Variants in EPHX1 observed in about 807,000 individuals in gnomAD.
The protein encoded by EPHX1 is epoxide hydratase.
A neutral mutation model predicts 43.2 loss-of-function variants in EPHX1; 40 were observed. That is an observed-to-expected ratio of 0.93 (90% CI 0.72 to 1.21). The LOEUF is 1.21. EPHX1 is among the 50% of genes most tolerant of loss of function. The pLI, the probability that EPHX1 is intolerant of heterozygous loss-of-function variation, is 0.00. For missense variants in EPHX1, 550 were observed against 570.4 expected, an observed-to-expected ratio of 0.96 and a Z score of 0.36; for synonymous variants, 221 against 226.7, an observed-to-expected ratio of 0.98 and a Z score of 0.22.
chr1:225,824,137 C>T (rs1020540621), intron 1 of EPHX1, among the ~76,000 whole-genome samples: 8 of 152,102 alleles, frequency 5.3e-5, no homozygotes, highest in African/African-American at 1.4e-4. Flanking sequence ...ACTCTAAGAC[C>T]GCCCACCCCC....
chr1:225,819,226 CAA>C (rs1302566204), intron 1 of EPHX1, among the ~76,000 whole-genome samples: 2 of 4,496 alleles, frequency 4.4e-4, no homozygotes, highest in African/African-American at 1.6e-3. Context: ...GACTCCGTCT[CAA>C]AAAAAAAAAA....
At chr1:225,844,692 C>T in intron 8 of EPHX1, 69 bp downstream of exon 8, 1 of 1,599,178 alleles carries the variant, frequency 6.3e-7, no homozygotes. Context: ...GTCTTGGGCT[C>T]CACGAAGGGC....
At chr1:225,821,811 C>T (rs991096664) in intron 1 of EPHX1, among the ~76,000 whole-genome samples, 2 of 151,864 alleles carry the variant, frequency 1.3e-5, no homozygotes, top group Admixed American at 6.6e-5. Flanking sequence ...AATCTACCTG[C>T]GTTGGCCTCC....
chr1:225,839,793 G>T (rs1266700741), intron 5 of EPHX1, 36 bp from the exon 6 acceptor site: 2 of 1,606,038 alleles, frequency 1.2e-6, no homozygotes, highest in Non-Finnish European at 1.7e-6. Flanking sequence ...CTTGACACCA[G>T]CCCAGCCTCA....
intron 3 of EPHX1, among the ~76,000 whole-genome samples, chr1:225,834,539 T>C (rs549401977): frequency 2.1e-5 from 3 of 140,448 alleles, no homozygotes; most frequent in South Asian, 4.5e-4. Context: ...CAAATCCCAG[T>C]GGTGTGTGTC....
intron 1 of EPHX1, among the ~76,000 whole-genome samples, chr1:225,821,414 T>G (rs966578340): frequency 6.6e-6 from 1 of 151,572 alleles, no homozygotes; most frequent in Non-Finnish European, 1.5e-5. Context: ...CCCAGCTAAT[T>G]TTTGTGTTTT....
chr1:225,820,436 G>A (rs1239161771), intron 1 of EPHX1, among the ~76,000 whole-genome samples: 1 of 152,112 alleles, frequency 6.6e-6, no homozygotes, highest in Admixed American at 6.6e-5. Flanking sequence ...ATTTACAGAA[G>A]GGTAATCTGA....
At chr1:225,839,142 C>G in intron 4 of EPHX1, 75 bp from the exon 5 acceptor site, 1 of 1,608,268 alleles carries the variant, frequency 6.2e-7, no homozygotes, top group Non-Finnish European at 8.5e-7. Context: ...TGAGAAATTT[C>G]ATAGAACACC....
chr1:225,839,697 TG>T, intron 5 of EPHX1, 131 bp from the exon 6 acceptor site: 1 of 1,037,994 alleles, frequency 9.6e-7, no homozygotes. Context: ...GCCTCCCCAG[TG>T]GGGCCAGTGC....
intron 1 of EPHX1, among the ~76,000 whole-genome samples, chr1:225,826,608 T>C (rs910840162): frequency 2.0e-5 from 3 of 152,208 alleles, no homozygotes; most frequent in Admixed American, 6.5e-5. Flanking sequence ...CTTGAGGCAC[T>C]TTAGAGTTTC....
chr1:225,814,465 GC>G (rs1575974046), intron 1 of EPHX1, among the ~76,000 whole-genome samples: 1 of 152,240 alleles, frequency 6.6e-6, no homozygotes, highest in Admixed American at 6.5e-5. Context: ...ACAGCTCAGG[GC>G]TTCTCTAGCC....
At position 225,844,495 on chromosome 1, in the gene EPHX1, C is replaced by T; in HGVS notation, c.1041-3C>T. On this transcript the variant is annotated splice_region_variant and splice_polypyrimidine_tract_variant and intron_variant, in intron 7 of 8. Transcript: ENST00000272167. ...AGTGGGGCTTTGTGTTCTGCGTTCCCAGGAAGTTCTCCCTGGACGACCTGC... is the reference window on the plus strand; with the variant it reads ...AGTGGGGCTTTGTGTTCTGCGTTCCTAGGAAGTTCTCCCTGGACGACCTGC... The T allele has an allele frequency of 6.2e-7, 1 of 1,614,118 alleles. No individual in the cohort carries two copies. The highest frequency in any genetic ancestry group is 1.3e-5 in the African/African-American group (1 of 75,018).
chr1:225,844,397 C>T, intron 7 of EPHX1, 101 bp from the exon 8 acceptor site: 3 of 1,584,606 alleles, frequency 1.9e-6, no homozygotes. Context: ...AGGAGGGAAG[C>T]CGCATGGGCA....
At chr1:225,845,011 G>C in intron 8 of EPHX1, 135 bp from the exon 9 acceptor site, 2 of 992,998 alleles carry the variant, frequency 2.0e-6, no homozygotes, top group Non-Finnish European at 3.1e-6. Context: ...TGAGACCCTG[G>C]ATTTGTCCTT....
intron 1 of EPHX1, among the ~76,000 whole-genome samples, chr1:225,818,647 CTG>C (rs910002806): frequency 2.6e-5 from 4 of 152,278 alleles, no homozygotes; most frequent in African/African-American, 4.8e-5. Context: ...TTCAAGTAAA[CTG>C]TTTCTCCATA....
chr1:225,836,170 A>C (rs1667955026), intron 3 of EPHX1, among the ~76,000 whole-genome samples: 1 of 152,256 alleles, frequency 6.6e-6, no homozygotes, highest in Admixed American at 6.5e-5. Flanking sequence ...CTAAAGAGAC[A>C]TGACAGCTCA....
chr1:225,841,945 T>G (rs2671264), intron 6 of EPHX1, among the ~76,000 whole-genome samples: 5,721 of 150,722 alleles, frequency 0.038, 156 homozygotes, highest in East Asian at 0.12. Flanking sequence ...TTTTGGCTTA[T>G]GAGTATATCA....
At chr1:225,830,225 G>T (rs41357947) in intron 2 of EPHX1, among the ~76,000 whole-genome samples, 6 of 152,180 alleles carry the variant, frequency 3.9e-5, no homozygotes, top group Admixed American at 6.5e-5. Flanking sequence ...GGACTTGCTT[G>T]CTGCAGCCTT....
At chr1:225,816,917 G>A (rs913506454) in intron 1 of EPHX1, among the ~76,000 whole-genome samples, 1 of 152,168 alleles carries the variant, frequency 6.6e-6, no homozygotes, top group Non-Finnish European at 1.5e-5. Flanking sequence ...TGGAGGTGGA[G>A]GGAATTCCCT....
Sources: gnomAD v4.1 joint callset for allele counts (sites outside exome capture counted in the v4.1 genomes callset) on GRCh38, gnomAD v4.1.1 for gene constraint, MANE v1.5 for transcripts, NCBI Gene and HGNC (gene_info 2026-07-23, HGNC 2026-07-21) for gene names.